The following KPNA7 variants were observed in gnomAD, a reference collection of about 807,000 sequenced individuals.
The protein encoded by KPNA7 is importin subunit alpha-8.
KPNA7 carries 54 observed loss-of-function variants against 53.7 expected under a neutral mutation model. That is an observed-to-expected ratio of 1.01 (90% confidence interval 0.81 to 1.26). The LOEUF is 1.26. Ranked by LOEUF, KPNA7 falls within the 50% of genes most tolerant of loss-of-function variation. KPNA7 has a pLI of 0.00. For missense variants in KPNA7, 640 were observed against 644.5 expected, an observed-to-expected ratio of 0.99 and a Z score of 0.07; for synonymous variants, 276 against 259.3, an observed-to-expected ratio of 1.06 and a Z score of -0.62.
intron 2 of KPNA7, among the ~76,000 whole-genome samples, chr7:99,206,978 A>G (rs1417648056): frequency 6.6e-6 from 1 of 152,138 alleles, no homozygotes; most frequent in Non-Finnish European, 1.5e-5. Context: ...TCATCTATCT[A>G]AAGAATCTTT....
At chr7:99,208,789 A>G (rs988930206), upstream of KPNA7, among the ~76,000 whole-genome samples, 2 of 152,154 alleles carry the variant, frequency 1.3e-5, no homozygotes, top group African/African-American at 2.4e-5. Flanking sequence ...GCAGTAAAGG[A>G]AAGCTTTTAA....
the KPNA7 span, among the ~76,000 whole-genome samples, chr7:99,146,098 G>A: frequency 6.6e-6 from 1 of 152,128 alleles, no homozygotes; most frequent in South Asian, 2.1e-4. Context: ...AATCCCGTTA[G>A]TATTTCCCCC....
intron 3 of KPNA7, among the ~76,000 whole-genome samples, chr7:99,199,065 G>GAAAAAAA (rs67877761): frequency 1.7e-3 from 101 of 60,852 alleles, no homozygotes; most frequent in Admixed American, 2.8e-3. Context: ...GCTGCAAACT[G>GAAAAAAA]AAAAAAAAAA....
Position 99,180,525 on chromosome 7 carries a change from A to C in KPNA7, c.1317+1358T>G, listed in dbSNP as rs868053020. Among the ~76,000 whole-genome samples the C allele has an allele frequency of 1.4e-3, 160 of 111,032 alleles. 3 individuals carry two copies. The Middle Eastern group carries it at 0.044, about 30-fold the overall frequency. The allele number at this position is 111,032 out of a possible 152,430, so 72.8% of individuals were successfully genotyped here. A position where few individuals can be genotyped will look rare whatever the true frequency, so the allele number is the denominator to read the frequency against. On this transcript the variant is annotated intron_variant, in intron 9 of 10. Coordinates refer to ENST00000327442, the MANE Select transcript of KPNA7 (RefSeq NM_001145715.3). ...TCTGTCTCTCTCTCTCTGTGTCTCT[A>C]TCTCTCTGTCTCCGTCTGTCTCCGT...
chr7:99,177,971 G>A lies in KPNA7; in HGVS notation c.1413C>T (p.Asn471=). The part of the protein sequence containing the change: ...DRIEALQLHE[N]RQIGQSALNI... ...TCAAAGCCGACTGGCCAATTTGACG[G>A]TTCTCATGCAGCTGTAAAGCCTCAA... is the stretch of plus-strand genomic sequence containing the variant. The change falls in exon 10 of 11, where the codon AAC becomes AAT. Residue 471 remains asparagine (N), a synonymous_variant. Coordinates refer to ENST00000327442, the MANE Select transcript of KPNA7 (RefSeq NM_001145715.3). 1 of 1,551,940 alleles carries A rather than the reference G, an allele frequency of 6.4e-7. No homozygotes were observed. The highest frequency in any genetic ancestry group is 1.2e-5 in the South Asian group (1 of 84,040).
At chr7:99,168,380 T>A in the KPNA7 span, among the ~76,000 whole-genome samples, 1 of 151,894 alleles carries the variant, frequency 6.6e-6, no homozygotes, top group Admixed American at 6.6e-5. Flanking sequence ...AATAGGGGGG[T>A]TAGTATCCCC....
chr7:99,213,603 T>C (rs1791132253), intron 1 of KPNA7, among the ~76,000 whole-genome samples: 1 of 151,688 alleles, frequency 6.6e-6, no homozygotes, highest in African/African-American at 2.4e-5. Context: ...GCTACCACAC[T>C]TCACTAATTT....
At chr7:99,186,610 G>T (rs1050264515) in intron 7 of KPNA7, among the ~76,000 whole-genome samples, 1 of 152,068 alleles carries the variant, frequency 6.6e-6, no homozygotes, top group Non-Finnish European at 1.5e-5. Context: ...GGGTGTGGTG[G>T]TGCACACCTG....
At chr7:99,206,495 G>A (rs981055279) in intron 2 of KPNA7, among the ~76,000 whole-genome samples, 15 of 151,684 alleles carry the variant, frequency 9.9e-5, no homozygotes, top group African/African-American at 3.6e-4. Context: ...TAGAGACAGG[G>A]TCTGGCTCTG....
the KPNA7 span, among the ~76,000 whole-genome samples, chr7:99,146,531 T>C: frequency 6.6e-6 from 1 of 151,816 alleles, no homozygotes; most frequent in Non-Finnish European, 1.5e-5. Flanking sequence ...CTGGCTAACA[T>C]GGTGAAACCC....
chr7:99,215,801 C>T (rs1026744621), intron 1 of KPNA7, among the ~76,000 whole-genome samples: 1 of 151,912 alleles, frequency 6.6e-6, no homozygotes, highest in Non-Finnish European at 1.5e-5. Context: ...GAGACCCCAT[C>T]TCTACAAATA....
chr7:99,218,933 A>G (rs1791280303), intron 1 of KPNA7, among the ~76,000 whole-genome samples: 1 of 152,226 alleles, frequency 6.6e-6, no homozygotes, highest in African/African-American at 2.4e-5. Flanking sequence ...TTTCTCACAC[A>G]GGGACAAGCC....
intron 4 of KPNA7, 39 bp from the exon 5 acceptor site, chr7:99,195,377 A>G: frequency 1.3e-6 from 2 of 1,538,592 alleles, no homozygotes; most frequent in Non-Finnish European, 1.8e-6. Context: ...GGGGAGGTCA[A>G]GTGAGAGAGG....
At chr7:99,172,190 G>T (rs548598563), downstream of KPNA7, among the ~76,000 whole-genome samples, 3 of 152,326 alleles carry the variant, frequency 2.0e-5, no homozygotes, top group Non-Finnish European at 4.4e-5. Context: ...TATCTCTTCT[G>T]TAAATTCGAA....
chr7:99,216,954 T>C (rs1390659015), intron 1 of KPNA7, among the ~76,000 whole-genome samples: 1 of 152,140 alleles, frequency 6.6e-6, no homozygotes, highest in African/African-American at 2.4e-5. Context: ...GGTTGGGGCA[T>C]TTCAGGCCAT....
chr7:99,180,945 GTCTC>G lies in KPNA7; in HGVS notation c.1317+934_1317+937del, dbSNP rs72516440. ...TGTCTCTCTCTCTCTCCCCGTCTGTGTCTCTCTCTCTCCCCATCTCTCTCTCTCC... is the reference window on the plus strand; with the variant it reads ...TGTCTCTCTCTCTCTCCCCGTCTGTGTCTCTCTCCCCATCTCTCTCTCTCC... On this transcript the variant is annotated intron_variant, in intron 9 of 10. Coordinates refer to ENST00000327442, the MANE Select transcript of KPNA7 (RefSeq NM_001145715.3). 1.9e-3 allele frequency among the ~76,000 whole-genome samples: 19 copies of G among 10,132 alleles called. 2 individuals carry two copies. Among genetic ancestry groups the G allele is most frequent in the African/African-American group, 5.3e-3 (19 of 3,614 alleles). The allele number at this position is 10,132 out of a possible 152,430, so 6.6% of individuals were successfully genotyped here.
chr7:99,166,291 C>G, the KPNA7 span, among the ~76,000 whole-genome samples: 1 of 152,112 alleles, frequency 6.6e-6, no homozygotes, highest in Non-Finnish European at 1.5e-5. Flanking sequence ...ACCACACTGC[C>G]TAGCACCTAC....
Position 99,179,767 on chromosome 7 carries a change from G to A in KPNA7, c.1318-1701C>T, listed in dbSNP as rs570178682. On this transcript the variant is annotated intron_variant, in intron 9 of 10. Transcript: ENST00000327442. Reference sequence around the variant, plus strand: ...GCCTGGCTAATTTTTTTGTAGAGATGGGGTTTCACAATGCTCAGGCTTGTC... The same window carrying A: ...GCCTGGCTAATTTTTTTGTAGAGATAGGGTTTCACAATGCTCAGGCTTGTC... 4.0e-5 allele frequency among the ~76,000 whole-genome samples: 6 copies of A among 151,522 alleles called. 1 individual carries two copies. The South Asian group carries it at 1.3e-3, about 32-fold the overall frequency.
At chr7:99,189,170 T>C (rs553859239) in intron 6 of KPNA7, among the ~76,000 whole-genome samples, 1 of 152,324 alleles carries the variant, frequency 6.6e-6, no homozygotes, top group African/African-American at 2.4e-5. Context: ...AAGCAGGAGT[T>C]ACTTGGTCTT....
Sources: allele counts gnomAD v4.1 joint callset (sites outside exome capture counted in the v4.1 genomes callset), GRCh38; gene constraint gnomAD v4.1.1; transcripts MANE v1.5; gene names NCBI Gene and HGNC (gene_info 2026-07-23, HGNC 2026-07-21).